BMP6: variants seen among roughly 807,000 people sequenced by gnomAD.
BMP6 encodes VG-1-R.
Under a neutral mutation model 54.1 loss-of-function variants are expected in BMP6, and 17 were observed. That is an observed-to-expected ratio of 0.31 (90% CI 0.22 to 0.47). The LOEUF (loss-of-function observed/expected upper bound fraction) is 0.47. Among genes scored for constraint, BMP6 ranks in the 20% least tolerant of loss-of-function variants. The pLI is 1.00. For synonymous variants in BMP6, 328 were observed against 291.2 expected (o/e 1.13, Z -1.28); for missense variants, 720 against 690.4 (o/e 1.04, Z -0.48).
intron 1 of BMP6, among the ~76,000 whole-genome samples, chr6:7,772,051 C>CAA (rs68086058): frequency 0.012 from 1,646 of 141,102 alleles, 20 homozygotes; most frequent in South Asian, 0.032. Flanking sequence ...AAGCCTGCCT[C>CAA]AAAAAAAAAA....
chr6:7,843,594 T>C (rs1413695816), intron 1 of BMP6, among the ~76,000 whole-genome samples: 1 of 152,136 alleles, frequency 6.6e-6, no homozygotes, highest in Non-Finnish European at 1.5e-5. Context: ...GCTATAAGGA[T>C]TAATTTGCTC....
rs868027339 is a variant in BMP6, at chr6:7,727,108, C to A, written c.153C>A (p.Gly51=). Residue 51 remains glycine (G), a synonymous_variant, in exon 1 of 7, where the codon GGC becomes GGA. Transcript: ENST00000283147. ...TGCTGGGGGACGGCGGGAGCCCCGGCCGCACGGAGCAGCCGCCGCCGTCGC... is the reference window on the plus strand; with the variant it reads ...TGCTGGGGGACGGCGGGAGCCCCGGACGCACGGAGCAGCCGCCGCCGTCGC... The part of the protein sequence containing the change: ...GQLLGDGGSP[G]RTEQPPPSPQ... 1 of 1,433,544 alleles carries A rather than the reference C, an allele frequency of 7.0e-7. No homozygotes were observed. The allele number at this position is 1,433,544 out of a possible 1,614,324, so 88.8% of individuals were successfully genotyped here.
intron 2 of BMP6, among the ~76,000 whole-genome samples, chr6:7,850,139 TTTTG>T (rs1202803842): frequency 6.6e-6 from 1 of 152,106 alleles, no homozygotes; most frequent in African/African-American, 2.4e-5. Flanking sequence ...TGTTTTTGTT[TTTTG>T]TTTGTTTGTT....
chr6:7,775,393 A>G (rs1372650444), intron 1 of BMP6, among the ~76,000 whole-genome samples: 1 of 152,176 alleles, frequency 6.6e-6, no homozygotes, highest in Admixed American at 6.5e-5. Context: ...GTGGAGACCA[A>G]GCTTTTATTT....
At chr6:7,827,937 A>G (rs762159447) in intron 1 of BMP6, among the ~76,000 whole-genome samples, 31 of 152,240 alleles carry the variant, frequency 2.0e-4, no homozygotes, top group African/African-American at 6.0e-4. Flanking sequence ...GACAGCGTTC[A>G]GGTAGGGATT....
chr6:7,808,081 C>T (rs530509997), intron 1 of BMP6, among the ~76,000 whole-genome samples: 12 of 152,036 alleles, frequency 7.9e-5, no homozygotes, highest in South Asian at 2.1e-4. Context: ...CCACCACACC[C>T]GGCTAATTTT....
At chr6:7,818,470 C>A (rs1308452095) in intron 1 of BMP6, among the ~76,000 whole-genome samples, 1 of 152,194 alleles carries the variant, frequency 6.6e-6, no homozygotes, top group African/African-American at 2.4e-5. Context: ...TTCCAACTTG[C>A]TAGCAGCTGT....
intron 1 of BMP6, among the ~76,000 whole-genome samples, chr6:7,769,739 G>A (rs200747792): frequency 6.1e-5 from 1 of 16,282 alleles, no homozygotes; most frequent in African/African-American, 9.7e-5. Flanking sequence ...AAAGTCAAAC[G>A]ACAATCTATG....
At chr6:7,783,645 A>G (rs1324288389) in intron 1 of BMP6, among the ~76,000 whole-genome samples, 1 of 152,222 alleles carries the variant, frequency 6.6e-6, no homozygotes, top group African/African-American at 2.4e-5. Flanking sequence ...AATTGTTAAG[A>G]TTGACTTTCA....
chr6:7,751,571 G>A (rs1757426674), intron 1 of BMP6, among the ~76,000 whole-genome samples: 1 of 152,150 alleles, frequency 6.6e-6, no homozygotes, highest in African/African-American at 2.4e-5. Flanking sequence ...TCTCTATAAG[G>A]TTGCAGAAAG....
At chr6:7,849,046 A>G (rs983941175) in intron 2 of BMP6, among the ~76,000 whole-genome samples, 4 of 152,214 alleles carry the variant, frequency 2.6e-5, no homozygotes, top group African/African-American at 9.6e-5. Flanking sequence ...ATTGTCTGCT[A>G]TGCTTCCTAA....
chr6:7,825,107 A>G (rs1758672128), intron 1 of BMP6, among the ~76,000 whole-genome samples: 1 of 152,216 alleles, frequency 6.6e-6, no homozygotes, highest in South Asian at 2.1e-4. Flanking sequence ...GCTTGAGGCC[A>G]GGAGTTCGAG....
At chr6:7,858,546 CT>C (rs1759283919) in intron 2 of BMP6, among the ~76,000 whole-genome samples, 1 of 152,068 alleles carries the variant, frequency 6.6e-6, no homozygotes, top group South Asian at 2.1e-4. Flanking sequence ...CTTCATGACT[CT>C]ACTTTTTAGA....
At chr6:7,766,298 G>T (rs749266690) in intron 1 of BMP6, among the ~76,000 whole-genome samples, 2 of 152,098 alleles carry the variant, frequency 1.3e-5, no homozygotes, top group Non-Finnish European at 2.9e-5. Context: ...CTCTAATAAT[G>T]AGCTAAATAA....
intron 1 of BMP6, among the ~76,000 whole-genome samples, chr6:7,841,681 G>A (rs1758972781): frequency 7.2e-5 from 11 of 152,184 alleles, no homozygotes. Flanking sequence ...TAGAAGACCA[G>A]ACGGTAATGG....
chr6:7,829,366 G>GA (rs1004019926), intron 1 of BMP6, among the ~76,000 whole-genome samples: 2 of 152,020 alleles, frequency 1.3e-5, no homozygotes, highest in African/African-American at 2.4e-5. Context: ...TGTATATGAA[G>GA]AAAAACCTTG....
At position 7,880,525 on chromosome 6, in the gene BMP6, T is replaced by G. The variant is rs1279013051; in HGVS notation, c.*182T>G. 2 of 797,546 alleles carry G rather than the reference T, an allele frequency of 2.5e-6. No homozygotes were observed. Among genetic ancestry groups the G allele is most frequent in the African/African-American group, 3.5e-5 (2 of 57,124 alleles). The allele number at this position is 797,546 out of a possible 1,614,324, so 49.4% of individuals were successfully genotyped here. A position where few individuals can be genotyped will look rare whatever the true frequency, so the allele number is the denominator to read the frequency against. ...ATTAATAATTTGCTCACTTGGTAAA[T>G]GACGTGAGTAGTTGTTGGTCTGTAG... is the stretch of plus-strand genomic sequence containing the variant. On this transcript the variant is annotated 3_prime_UTR_variant, in exon 7 of 7. Transcript: ENST00000283147.
Position 7,727,299 on chromosome 6 carries a change from A to G in BMP6, c.344A>G (p.Gln115Arg), listed in dbSNP as rs762871776. 17 of 1,607,678 alleles carry G rather than the reference A, an allele frequency of 1.1e-5. No individual in the cohort carries two copies. The Admixed American group carries it at 2.5e-4, about 24-fold the overall frequency. The change falls in exon 1 of 7, where the codon CAG becomes CGG. Residue 115 changes from glutamine to arginine, a missense_variant. Gln to Arg is a conservative substitution (Grantham distance 43). Coordinates refer to ENST00000283147, the MANE Select transcript of BMP6 (RefSeq NM_001718.6). ...PALRQQEEQQ[Q>R]QQQLPRGEPP... is the part of the protein sequence containing the mutation. ...CTCCGGCAGCAGGAGGAGCAGCAGCAGCAGCAGCAGCTGCCTCGCGGAGAG... is the reference window on the plus strand; with the variant it reads ...CTCCGGCAGCAGGAGGAGCAGCAGCGGCAGCAGCAGCTGCCTCGCGGAGAG...
chr6:7,727,121 C>T lies in BMP6; in HGVS notation c.166C>T (p.Pro56Ser), dbSNP rs1761741535. The change falls in exon 1 of 7, where the codon CCG (proline) becomes TCG (serine). Residue 56 changes from proline (P) to serine (S), a missense_variant. Pro to Ser is a moderately conservative substitution (Grantham distance 74). Around this residue, in one of 3 missense-constraint regions of BMP6, gnomAD observed 650 missense variants for 556.3 expected, o/e 1.17. Coordinates refer to ENST00000283147, the MANE Select transcript of BMP6 (RefSeq NM_001718.6). ...DGGSPGRTEQ[P>S]PPSPQSSSGF... is the part of the protein sequence containing the mutation. Reference sequence around the variant, plus strand: ...CGGGAGCCCCGGCCGCACGGAGCAGCCGCCGCCGTCGCCGCAGTCCTCCTC... The same window carrying T: ...CGGGAGCCCCGGCCGCACGGAGCAGTCGCCGCCGTCGCCGCAGTCCTCCTC... 3 of 1,520,870 alleles carry T rather than the reference C, an allele frequency of 2.0e-6. No individual in the cohort carries two copies. In the African/African-American group the frequency reaches 4.3e-5, roughly 22 times the overall value. 94.2% of individuals were successfully genotyped at this position (1,520,870 alleles called of 1,614,324 possible).
Sources: allele counts gnomAD v4.1 joint callset (sites outside exome capture counted in the v4.1 genomes callset), GRCh38; gene constraint gnomAD v4.1.1; regional missense constraint gnomAD v4.1.1; transcripts MANE v1.5; gene names NCBI Gene and HGNC (gene_info 2026-07-23, HGNC 2026-07-21).